Variants in CDYL2 observed in about 807,000 individuals in gnomAD.
CDYL2 encodes the protein chromodomain Y like 2, also known as chromodomain Y-like protein 2.
In CDYL2, 23 loss-of-function variants were observed where a neutral mutation model predicts 49.4. The ratio of observed to expected loss-of-function variants is 0.47; its 90% CI spans 0.34 to 0.66. The LOEUF (loss-of-function observed/expected upper bound fraction) is 0.66. Ranked by LOEUF, CDYL2 falls within the 30% of genes least tolerant of loss-of-function variation. The pLI, the probability that CDYL2 is intolerant of heterozygous loss-of-function variation, is 0.01. For missense variants in CDYL2, 678 were observed against 656.4 expected, an observed-to-expected ratio of 1.03 and a Z score of -0.36; for synonymous variants, 360 against 268.8, an observed-to-expected ratio of 1.34 and a Z score of -3.32.
At chr16:80,667,568 G>A (rs1909319591) in intron 2 of CDYL2, among the ~76,000 whole-genome samples, 1 of 152,166 alleles carries the variant, frequency 6.6e-6, no homozygotes, top group Non-Finnish European at 1.5e-5. Context: ...ATCACAGCAT[G>A]AGGTATTGCA....
chr16:80,605,733 A>G (rs902554629), intron 6 of CDYL2, among the ~76,000 whole-genome samples: 16 of 152,112 alleles, frequency 1.1e-4, no homozygotes, highest in Non-Finnish European at 5.9e-5. Context: ...ATGAGTAATG[A>G]TTGTAGTAAT....
At chr16:80,776,526 TATAA>T (rs1453104740) in intron 1 of CDYL2, among the ~76,000 whole-genome samples, 2 of 151,506 alleles carry the variant, frequency 1.3e-5, no homozygotes, top group East Asian at 1.9e-4. Context: ...TAATGGAATG[TATAA>T]ATAAATTCCA....
At chr16:80,793,169 G>C (rs1387041512) in intron 1 of CDYL2, among the ~76,000 whole-genome samples, 1 of 152,084 alleles carries the variant, frequency 6.6e-6, no homozygotes, top group African/African-American at 2.4e-5. Context: ...CTCAAACTAG[G>C]CCAGCCACTG....
At chr16:80,772,700 C>G (rs1016643840) in intron 1 of CDYL2, among the ~76,000 whole-genome samples, 4 of 152,160 alleles carry the variant, frequency 2.6e-5, no homozygotes, top group African/African-American at 9.7e-5. Context: ...ATCCACCCAC[C>G]TCGGCCTCCC....
At position 80,601,930 on chromosome 16, in the gene CDYL2, T is replaced by C. The variant is rs1316403477; in HGVS notation, c.*2458A>G. The C allele has an allele frequency of 6.6e-6, 1 of 152,176 alleles. No individual in the cohort carries two copies. Among genetic ancestry groups the C allele is most frequent in the Non-Finnish European group, 1.5e-5 (1 of 68,022 alleles). The allele number at this position is 152,176 out of a possible 1,614,324, so 9.4% of individuals were successfully genotyped here. A position where few individuals can be genotyped will look rare whatever the true frequency, so the allele number is the denominator to read the frequency against. On this transcript the variant is annotated 3_prime_UTR_variant, in exon 7 of 7. Coordinates refer to ENST00000570137, the MANE Select transcript of CDYL2 (RefSeq NM_152342.4). ...TGATAGTACATCCAAAGCTGAAGCA[T>C]TTCTAGTTCTTTCAAGCAGGGAATG...
intron 2 of CDYL2, among the ~76,000 whole-genome samples, chr16:80,666,562 G>C (rs1909273688): frequency 6.6e-6 from 1 of 152,166 alleles, no homozygotes; most frequent in Admixed American, 6.5e-5. Context: ...AGCAAGCAGG[G>C]CCATCGTGGC....
At chr16:80,656,609 C>A (rs1393043110) in intron 2 of CDYL2, among the ~76,000 whole-genome samples, 1 of 152,240 alleles carries the variant, frequency 6.6e-6, no homozygotes, top group Non-Finnish European at 1.5e-5. Context: ...AACATTCCCT[C>A]CTTTAGCGTA....
chr16:80,632,248 A>G (rs1042448778), intron 3 of CDYL2, among the ~76,000 whole-genome samples: 11 of 152,246 alleles, frequency 7.2e-5, no homozygotes, highest in African/African-American at 2.7e-4. Context: ...AAAGGAATGA[A>G]GTATGGATAC....
intron 2 of CDYL2, among the ~76,000 whole-genome samples, chr16:80,642,663 G>A (rs1354457309): frequency 1.3e-5 from 2 of 152,132 alleles, no homozygotes; most frequent in Non-Finnish European, 1.5e-5. Flanking sequence ...ATCATGGAGG[G>A]AGGTGAAAGG....
chr16:80,696,671 T>C (rs977852626), intron 1 of CDYL2, among the ~76,000 whole-genome samples: 18 of 148,274 alleles, frequency 1.2e-4, no homozygotes, highest in Non-Finnish European at 2.2e-4. Flanking sequence ...AAAATAGAAA[T>C]AGGAAACCTG....
At chr16:80,762,374 C>T (rs1190303263) in intron 1 of CDYL2, among the ~76,000 whole-genome samples, 2 of 152,092 alleles carry the variant, frequency 1.3e-5, no homozygotes, top group African/African-American at 4.8e-5. Flanking sequence ...CAGGCTTCAA[C>T]GGGAGCAAAC....
At chr16:80,716,422 G>T (rs749874009) in intron 1 of CDYL2, among the ~76,000 whole-genome samples, 11 of 152,092 alleles carry the variant, frequency 7.2e-5, no homozygotes, top group African/African-American at 2.7e-4. Context: ...GGATAGATGG[G>T]TGGATGGGTA....
Position 80,604,532 on chromosome 16 carries a change from G to A in CDYL2, c.1377C>T (p.Ser459=). The A allele has an allele frequency of 6.2e-7, 1 of 1,614,182 alleles. No individual in the cohort carries two copies. Among genetic ancestry groups the A allele is most frequent in the Non-Finnish European group, 8.5e-7 (1 of 1,180,038 alleles). ...ASCSAVVLEE[S]KCLVRSFLKS... ...TCAGGAAGCTCCGCACGAGGCATTT[G>A]GACTCCTCTAACACCTAGAGGGAAA... The change falls in exon 7 of 7, where the codon TCC becomes TCT. Residue 459 remains serine (S), a synonymous_variant. Transcript: ENST00000570137.
chr16:80,690,241 G>C (rs1026249), intron 1 of CDYL2, among the ~76,000 whole-genome samples: 77,182 of 152,050 alleles, frequency 0.51, 21,093 homozygotes, highest in Middle Eastern at 0.69. Context: ...AAACAGAACA[G>C]TCACAAAGGC....
At chr16:80,769,006 G>A (rs1326686211) in intron 1 of CDYL2, among the ~76,000 whole-genome samples, 1 of 152,122 alleles carries the variant, frequency 6.6e-6, no homozygotes, top group Admixed American at 6.5e-5. Context: ...AATATTCAAA[G>A]GCTCCCTTTT....
At chr16:80,687,581 G>C (rs150550605) in intron 1 of CDYL2, among the ~76,000 whole-genome samples, 1,862 of 152,244 alleles carry the variant, frequency 0.012, 33 homozygotes, top group African/African-American at 0.041. Flanking sequence ...TGGATGGATG[G>C]ATGGACAGAT....
intron 1 of CDYL2, among the ~76,000 whole-genome samples, chr16:80,727,430 A>G (rs1905199704): frequency 2.0e-5 from 3 of 152,214 alleles, no homozygotes; most frequent in African/African-American, 2.4e-5. Flanking sequence ...TATCCCGCAC[A>G]TGGCTCGGAA....
intron 1 of CDYL2, among the ~76,000 whole-genome samples, chr16:80,709,381 CA>C (rs11412766): frequency 0.027 from 2,523 of 93,892 alleles, 55 homozygotes; most frequent in African/African-American, 0.067. Context: ...GACTCCATTT[CA>C]AAAAAAAAAA....
intron 1 of CDYL2, among the ~76,000 whole-genome samples, chr16:80,693,882 GT>G (rs562320856): frequency 5.5e-4 from 84 of 152,188 alleles, no homozygotes; most frequent in Non-Finnish European, 1.1e-3. Context: ...AATGCATCCA[GT>G]GACAAATGAA....
Sources: gnomAD v4.1 joint callset for allele counts (sites outside exome capture counted in the v4.1 genomes callset) on GRCh38, gnomAD v4.1.1 for gene constraint, MANE v1.5 for transcripts, NCBI Gene and HGNC (gene_info 2026-07-23, HGNC 2026-07-21) for gene names.